Variants in ANK3 observed in about 807,000 individuals in gnomAD.
ANK3 encodes ankyrin-3.
A neutral mutation model predicts 370.9 loss-of-function variants in ANK3; 57 were observed. The ratio of observed to expected loss-of-function variants is 0.15; its 90% CI spans 0.12 to 0.19. The LOEUF (loss-of-function observed/expected upper bound fraction) is 0.19. Ranked by LOEUF, ANK3 falls within the 10% of genes least tolerant of loss-of-function variation. ANK3 has a pLI of 1.00. For synonymous variants in ANK3, 1,929 were observed against 1,946.3 expected (o/e 0.99, Z 0.23); for missense variants, 4,439 against 5,302.1 (o/e 0.84, Z 5.06).
At chr10:60,160,126 G>T (rs2095457570) in intron 23 of ANK3, among the ~76,000 whole-genome samples, 1 of 151,282 alleles carries the variant, frequency 6.6e-6, no homozygotes, top group Non-Finnish European at 1.5e-5. Context: ...AAGACAAAAA[G>T]TTGGTTTTTG....
rs35837089 is a variant in ANK3 at position 60,528,134 on chromosome 10, C to CTTTT, written c.96+87051_96+87052insAAAA. Among the ~76,000 whole-genome samples the CTTTT allele has an allele frequency of 1.2e-3, 144 of 124,272 alleles. 2 individuals are homozygous for CTTTT. Among genetic ancestry groups the CTTTT allele is most frequent in the Middle Eastern group, 4.7e-3 (1 of 214 alleles). The allele number at this position is 124,272 out of a possible 152,430, so 81.5% of individuals were successfully genotyped here. On this transcript the variant is annotated intron_variant, in intron 2 of 43. Transcript: ENST00000373827. ...TTTTTTCTTTTTTTCTTTTCTTCTT[C>CTTTT]TTCTTTTTTTTTTTTTTTTGAGACA...
At chr10:60,186,609 C>T (rs1486074810) in intron 17 of ANK3, 106 bp downstream of exon 17, 3 of 1,217,880 alleles carry the variant, frequency 2.5e-6, no homozygotes, top group Admixed American at 3.9e-5. Context: ...CAATATTACA[C>T]TTTACACATC....
At position 60,542,977 on chromosome 10, in the gene ANK3, A is replaced by G. The variant is rs139590407; in HGVS notation, c.96+72209T>C. 1.2e-4 allele frequency among the ~76,000 whole-genome samples: 19 copies of G among 152,154 alleles called. No individual in the cohort carries two copies. The East Asian group carries it at 3.7e-3, about 29-fold the overall frequency. On this transcript the variant is annotated intron_variant, in intron 2 of 43. Coordinates refer to the ANK3 transcript ENST00000373827. Reference sequence around the variant, plus strand: ...TCCTTAGTATGGTTTTGTAGCTGTCACTGAAACCAGTAAGTATCCAATAAG... The same window carrying G: ...TCCTTAGTATGGTTTTGTAGCTGTCGCTGAAACCAGTAAGTATCCAATAAG...
chr10:60,653,666 A>G (rs1228979235), intron 1 of ANK3, among the ~76,000 whole-genome samples: 3 of 152,150 alleles, frequency 2.0e-5, no homozygotes, highest in Non-Finnish European at 2.9e-5. Flanking sequence ...CCAAGAGCTC[A>G]AGACTAGCCT....
chr10:60,370,663 T>G (rs543214824), intron 1 of ANK3, among the ~76,000 whole-genome samples: 26 of 152,278 alleles, frequency 1.7e-4, no homozygotes, highest in Non-Finnish European at 3.1e-4. Flanking sequence ...TTTCTAACAT[T>G]TATCATGCCC....
chr10:60,197,831 A>G lies in ANK3; in HGVS notation c.1689+509T>C, dbSNP rs192142657. On this transcript the variant is annotated intron_variant, in intron 14 of 43. Coordinates refer to ENST00000280772, the MANE Select transcript of ANK3 (RefSeq NM_020987.5). ...CACATGCAGAACAACTGTTTATGTTAGGGTATTACTCTAAGGCATCAGAGT... is the reference window on the plus strand; with the variant it reads ...CACATGCAGAACAACTGTTTATGTTGGGGTATTACTCTAAGGCATCAGAGT... 9.2e-5 allele frequency among the ~76,000 whole-genome samples: 14 copies of G among 152,300 alleles called. No homozygotes were observed. In the East Asian group the frequency reaches 2.7e-3, roughly 29 times the overall value.
At chr10:60,035,168 G>A (rs55915659) in intron 43 of ANK3, among the ~76,000 whole-genome samples, 4,451 of 152,178 alleles carry the variant, frequency 0.029, 100 homozygotes, top group Middle Eastern at 0.045. Flanking sequence ...AATTTAATCC[G>A]AATAACCCTG....
At chr10:60,103,336 T>C (rs1351506399) in intron 28 of ANK3, among the ~76,000 whole-genome samples, 1 of 152,146 alleles carries the variant, frequency 6.6e-6, no homozygotes, top group Non-Finnish European at 1.5e-5. Flanking sequence ...TTAACAGTTA[T>C]TCAGTAGCAA....
chr10:60,119,727 G>A (rs1015614900), intron 25 of ANK3, among the ~76,000 whole-genome samples: 6 of 152,096 alleles, frequency 3.9e-5, no homozygotes, highest in Non-Finnish European at 8.8e-5. Context: ...AGCCGAGATC[G>A]TGCCGTTGCA....
At chr10:60,405,198 C>T (rs1224021118) in intron 2 of ANK3, among the ~76,000 whole-genome samples, 2 of 151,980 alleles carry the variant, frequency 1.3e-5, no homozygotes, top group Non-Finnish European at 2.9e-5. Flanking sequence ...AGACAGAAAA[C>T]ATATGCCCAA....
At chr10:60,427,542 C>T (rs2063916083) in intron 2 of ANK3, among the ~76,000 whole-genome samples, 1 of 151,622 alleles carries the variant, frequency 6.6e-6, no homozygotes. Context: ...AAAAAAACCT[C>T]AGGAGTTCAA....
intron 43 of ANK3, among the ~76,000 whole-genome samples, chr10:60,034,081 G>GT (rs56758673): frequency 0.096 from 10,154 of 105,250 alleles, 494 homozygotes; most frequent in African/African-American, 0.17. Context: ...TTCTGTTTTT[G>GT]TTTTTTTTTT....
At chr10:60,545,077 G>A (rs1489909666) in intron 2 of ANK3, among the ~76,000 whole-genome samples, 4 of 152,222 alleles carry the variant, frequency 2.6e-5, no homozygotes, top group Admixed American at 6.5e-5. Flanking sequence ...CAGTAAGTAC[G>A]AAAGACCCAT....
chr10:60,538,911 G>A (rs548541472), intron 2 of ANK3, among the ~76,000 whole-genome samples: 3 of 151,938 alleles, frequency 2.0e-5, no homozygotes, highest in African/African-American at 7.2e-5. Flanking sequence ...TTTAGCCTAT[G>A]CATTTCCATT....
At chr10:60,568,657 T>C (rs1482807934) in intron 2 of ANK3, among the ~76,000 whole-genome samples, 1 of 152,208 alleles carries the variant, frequency 6.6e-6, no homozygotes, top group East Asian at 1.9e-4. Context: ...ACATGATTTA[T>C]TAAGCACACC....
intron 4 of ANK3, among the ~76,000 whole-genome samples, chr10:60,275,751 G>C (rs531642445): frequency 6.6e-6 from 1 of 152,178 alleles, no homozygotes; most frequent in South Asian, 2.1e-4. Flanking sequence ...AATGCCACTA[G>C]AAAAATCTGT....
At chr10:60,643,873 G>A (rs2078671529) in intron 1 of ANK3, among the ~76,000 whole-genome samples, 1 of 152,172 alleles carries the variant, frequency 6.6e-6, no homozygotes, top group African/African-American at 2.4e-5. Context: ...CCCAGAGAAT[G>A]TGTTCCTAGA....
intron 1 of ANK3, among the ~76,000 whole-genome samples, chr10:60,732,182 A>T (rs77029610): frequency 2.0e-5 from 3 of 149,626 alleles, no homozygotes; most frequent in African/African-American, 7.4e-5. Flanking sequence ...CCCACGATTT[A>T]AAAAAAAAAC....
chr10:60,073,514 A>G lies in ANK3; in HGVS notation c.7367T>C (p.Leu2456Pro). The G allele has an allele frequency of 6.2e-7, 1 of 1,614,088 alleles. No homozygotes were observed. The highest frequency in any genetic ancestry group is 8.5e-7 in the Non-Finnish European group (1 of 1,180,000). The change falls in exon 37 of 44, where the codon CTA (leucine) becomes CCA (proline). Residue 2456 changes from leucine (L) to proline (P), a missense_variant. Coordinates refer to ENST00000280772, the MANE Select transcript of ANK3 (RefSeq NM_020987.5). Reference sequence around the variant, plus strand: ...AGCAAACCTGTAAGACTCCCCTCTTAGTTCTGACAACTCATCGTCATGGTA... The same window carrying G: ...AGCAAACCTGTAAGACTCCCCTCTTGGTTCTGACAACTCATCGTCATGGTA... ...IEYHDDELSE[L>P]RGESYRFAEK...
Sources: gnomAD v4.1 joint callset for allele counts (sites outside exome capture counted in the v4.1 genomes callset) on GRCh38, gnomAD v4.1.1 for gene constraint, MANE v1.5 for transcripts, NCBI Gene and HGNC (gene_info 2026-07-23, HGNC 2026-07-21) for gene names.